Variants in ZNF718 observed in about 807,000 individuals in gnomAD.
ZNF718 encodes zinc finger protein 718.
In ZNF718, 3 loss-of-function variants were observed where a neutral mutation model predicts 2.6. That is an observed-to-expected ratio of 1.16 (90% CI 0.53 to 3.01). ZNF718 has a LOEUF of 3.01. ZNF718 is among the 30% of genes most tolerant of loss of function. The probability of loss-of-function intolerance (pLI) is 0.03; values close to 1 mark genes in which losing one functional copy is unlikely to be tolerated. For missense variants in ZNF718, 468 were observed against 230.0 expected, an observed-to-expected ratio of 2.03 and a Z score of -6.69; for synonymous variants, 135 against 77.9, an observed-to-expected ratio of 1.73 and a Z score of -3.86.
At position 161,651 on chromosome 4, in the gene ZNF718, A is replaced by G. The variant is rs1553815274; in HGVS notation, c.966A>G (p.Thr322=). Residue 322 remains threonine (T), a synonymous_variant, in exon 4 of 4, where the codon ACA becomes ACG. Coordinates refer to ENST00000510175, the MANE Select transcript of ZNF718 (RefSeq NM_001039127.6). The stretch of plus-strand genomic sequence containing the variant: ...AAGAATGTGGCAATGTCTTTACCAC[A>G]TCCTCAGACTTTGCTAAACATAAGA... ...SCEECGNVFT[T]SSDFAKHKRI... 1.3e-6 allele frequency: 1 copy of G among 779,794 alleles called. No individual in the cohort carries two copies. The highest frequency in any genetic ancestry group is 2.4e-5 in the East Asian group (1 of 41,192). 48.3% of individuals were successfully genotyped at this position (779,794 alleles called of 1,614,324 possible).
intron 4 of ZNF718, chr4:201,214 G>T (rs1553822729): frequency 6.6e-6 from 1 of 152,224 alleles, no homozygotes; most frequent in Non-Finnish European, 1.5e-5. Flanking sequence ...ACAGATTGGT[G>T]AGTACACAAA....
intron 3 of ZNF718, among the ~76,000 whole-genome samples, chr4:177,908 G>A (rs1278019285): frequency 6.6e-6 from 1 of 152,048 alleles, no homozygotes; most frequent in Non-Finnish European, 1.5e-5. Context: ...AAAAGCCCCT[G>A]AGGGAGGAAA....
At chr4:155,819 G>A (rs1450043281) in intron 3 of ZNF718, among the ~76,000 whole-genome samples, 3 of 152,108 alleles carry the variant, frequency 2.0e-5, no homozygotes, top group Non-Finnish European at 4.4e-5. Context: ...GAAGAACCAG[G>A]GGTGGAATGA....
chr4:138,398 T>C (rs1715667340), intron 3 of ZNF718, among the ~76,000 whole-genome samples: 1 of 152,222 alleles, frequency 6.6e-6, no homozygotes, highest in Admixed American at 6.5e-5. Flanking sequence ...CTTCATGTGC[T>C]TGGCTTATTT....
At chr4:147,389 A>T (rs1224846127) in intron 3 of ZNF718, among the ~76,000 whole-genome samples, 1 of 152,136 alleles carries the variant, frequency 6.6e-6, no homozygotes, top group African/African-American at 2.4e-5. Context: ...GGAGGTAAAT[A>T]TCTTCTTCTG....
chr4:133,965 A>G (rs772016829), intron 3 of ZNF718, among the ~76,000 whole-genome samples: 2 of 152,224 alleles, frequency 1.3e-5, no homozygotes, highest in Admixed American at 6.5e-5. Context: ...GTAAGCATAC[A>G]TTACAGTATT....
Position 153,832 on chromosome 4 carries a change from AC to A in ZNF718, c.227-7079del, listed in dbSNP as rs2108797703. On this transcript the variant is annotated intron_variant, in intron 3 of 3. Transcript: ENST00000510175. ...CTGACAAATCTATATACTGAACAGA[AC>A]AAAAAAAGCAGAAAATGTTTTATTT... Among the ~76,000 whole-genome samples the A allele has an allele frequency of 1.3e-5, 2 of 152,354 alleles. 1 individual carries two copies. The highest frequency in any genetic ancestry group is 4.1e-4 in the South Asian group (2 of 4,832).
downstream of ZNF718, among the ~76,000 whole-genome samples, chr4:167,254 C>T (rs543177506): frequency 6.6e-6 from 1 of 152,094 alleles, no homozygotes; most frequent in Non-Finnish European, 1.5e-5. Context: ...GTTACTCTAA[C>T]CTTGTAGTAT....
chr4:137,797 T>C (rs1715637934), intron 3 of ZNF718, among the ~76,000 whole-genome samples: 1 of 152,178 alleles, frequency 6.6e-6, no homozygotes, highest in East Asian at 1.9e-4. Flanking sequence ...TATTTTAATG[T>C]TCAGAGATAA....
chr4:153,478 G>A (rs944520725), intron 3 of ZNF718, among the ~76,000 whole-genome samples: 2 of 152,102 alleles, frequency 1.3e-5, no homozygotes, highest in Non-Finnish European at 2.9e-5. Context: ...GATAGAGATT[G>A]CATTGAATCT....
chr4:142,533 C>T (rs562480226), intron 3 of ZNF718, among the ~76,000 whole-genome samples: 1 of 152,310 alleles, frequency 6.6e-6, no homozygotes, highest in East Asian at 1.9e-4. Context: ...AGGAGGCCTT[C>T]ACTCTTCTAG....
At chr4:178,560 C>T (rs562529508) in intron 3 of ZNF718, among the ~76,000 whole-genome samples, 1 of 152,188 alleles carries the variant, frequency 6.6e-6, no homozygotes, top group East Asian at 1.9e-4. Context: ...ACATTGATTC[C>T]TTTTGTGTGT....
Position 162,005 on chromosome 4 carries a change from A to G in ZNF718, c.1320A>G (p.Lys440=). Residue 440 remains lysine (K), a synonymous_variant, in exon 4 of 4, where the codon AAA becomes AAG. Transcript: ENST00000510175. ...KAFKQSSHLN[K]HKKIHTVDKP... ...TTAAACAGTCCTCACACTTGAATAAACATAAGAAAATTCACACTGTAGATA... is the reference window on the plus strand; with the variant it reads ...TTAAACAGTCCTCACACTTGAATAAGCATAAGAAAATTCACACTGTAGATA... The G allele has an allele frequency of 1.3e-6, 1 of 779,250 alleles. No individual in the cohort carries two copies. Among genetic ancestry groups the G allele is most frequent in the South Asian group, 1.3e-5 (1 of 74,470 alleles). 48.3% of individuals were successfully genotyped at this position (779,250 alleles called of 1,614,324 possible). A position where few individuals can be genotyped will look rare whatever the true frequency, so the allele number is the denominator to read the frequency against.
chr4:139,036 A>C (rs1170050354), intron 3 of ZNF718, among the ~76,000 whole-genome samples: 1 of 152,130 alleles, frequency 6.6e-6, no homozygotes, highest in African/African-American at 2.4e-5. Context: ...TTAATTCCTT[A>C]TAGGCAGTTT....
Position 161,024 on chromosome 4 carries a change from A to C in ZNF718, c.339A>C (p.Lys113Asn), listed in dbSNP as rs1716802486. The C allele has an allele frequency of 1.3e-6, 1 of 780,794 alleles. No homozygotes were observed. Among genetic ancestry groups the C allele is most frequent in the South Asian group, 1.3e-5 (1 of 74,626 alleles). 48.4% of individuals were successfully genotyped at this position (780,794 alleles called of 1,614,324 possible). The change falls in exon 4 of 4, where the codon AAA (lysine) becomes AAC (asparagine). Residue 113 changes from lysine to asparagine, a missense_variant. Physicochemically the swap from Lys to Asn is moderately conservative, Grantham distance 94 (BLOSUM62 0). Coordinates refer to ENST00000510175, the MANE Select transcript of ZNF718 (RefSeq NM_001039127.6). ...AACGTGGACATGAGAATTTAAGAAA[A>C]ACTTGTAAAAGTATAAATGAGTGTA... ...HEKRGHENLR[K>N]TCKSINECKV...
chr4:193,112 C>G (rs1221003509), intron 3 of ZNF718, among the ~76,000 whole-genome samples: 1 of 152,152 alleles, frequency 6.6e-6, no homozygotes, highest in East Asian at 1.9e-4. Context: ...ATTTCTTCTG[C>G]TGAGTACTGG....
chr4:143,607 A>G (rs1301620836), intron 3 of ZNF718, among the ~76,000 whole-genome samples: 1 of 152,224 alleles, frequency 6.6e-6, no homozygotes, highest in Non-Finnish European at 1.5e-5. Context: ...GGAAACACAT[A>G]AATTCTAGAA....
At chr4:145,583 C>T (rs1433633637) in intron 3 of ZNF718, among the ~76,000 whole-genome samples, 1 of 152,136 alleles carries the variant, frequency 6.6e-6, no homozygotes, top group Admixed American at 6.5e-5. Context: ...CCACCTTACC[C>T]TCCTGAGTAG....
At chr4:170,453 G>A (rs1033293424) in intron 3 of ZNF718, among the ~76,000 whole-genome samples, 1 of 152,134 alleles carries the variant, frequency 6.6e-6, no homozygotes, top group African/African-American at 2.4e-5. Flanking sequence ...TTTCCAACTT[G>A]GTTCCATTCT....
Sources: gnomAD v4.1 joint callset for allele counts (sites outside exome capture counted in the v4.1 genomes callset) on GRCh38, gnomAD v4.1.1 for gene constraint, MANE v1.5 for transcripts, NCBI Gene and HGNC (gene_info 2026-07-23, HGNC 2026-07-21) for gene names.